Variants in MSL3 observed in about 807,000 individuals in gnomAD.
MSL3 encodes MSL complex subunit 3, also known as MSL3-like 1.
In MSL3, 5 loss-of-function variants were observed where a neutral mutation model predicts 37.2. That is an observed-to-expected ratio of 0.13 (90% confidence interval 0.07 to 0.28). The LOEUF is 0.28. Ranked by LOEUF, MSL3 falls within the 10% of genes least tolerant of loss-of-function variation. The probability of loss-of-function intolerance (pLI) is 1.00; values close to 1 mark genes in which losing one functional copy is unlikely to be tolerated. For missense variants in MSL3, 315 were observed against 408.5 expected (o/e 0.77, Z 1.97); for synonymous variants, 149 against 147.6 (o/e 1.01, Z -0.07).
Position 11,760,738 on chromosome X carries a change from T to G in MSL3, c.282-99T>G, listed in dbSNP as rs1288542088. On this transcript the variant is annotated intron_variant, in intron 3 of 12. Transcript: ENST00000312196. ...ATTTATGTTCTAAAGTTTAATAATT[T>G]TTCAAATGTATTTCATTGTTTATTA... The G allele has an allele frequency of 1.7e-5, 12 of 712,056 alleles. No homozygotes were observed. The East Asian group carries it at 4.0e-4, about 24-fold the overall frequency. The allele number at this position is 712,056 out of a possible 1,213,427, so 58.7% of individuals were successfully genotyped here. A position where few individuals can be genotyped will look rare whatever the true frequency, so the allele number is the denominator to read the frequency against.
At chrX:11,774,818 G>A (rs1253684758) in intron 12 of MSL3, among the ~76,000 whole-genome samples, 162 bp from the exon 13 acceptor site, 4 of 111,564 alleles carry the variant, frequency 3.6e-5, no homozygotes, top group South Asian at 3.7e-4. Context: ...AGCTGGATAA[G>A]TGCAGTGAAA....
At chrX:11,760,154 T>A in intron 2 of MSL3, 1 of 375,739 alleles carries the variant, frequency 2.7e-6, no homozygotes, top group Non-Finnish European at 4.6e-6. Context: ...AGAACTTGCC[T>A]ATTGTGACGA....
rs775880526 is a variant in MSL3 at position 11,763,888 on chromosome X, T to C, written c.858T>C (p.Thr286=). The change falls in exon 8 of 13, where the codon ACT becomes ACC. Residue 286 remains threonine (T), a synonymous_variant. Transcript: ENST00000312196. ...PYEQAQYKKV[T]SSKFFLPIKE... is the part of the protein sequence containing the mutation. ...AACAAGCTCAGTATAAAAAGGTGACTTCGTCTAAATTTTTTCTTCCAATTA... is the reference window on the plus strand; with the variant it reads ...AACAAGCTCAGTATAAAAAGGTGACCTCGTCTAAATTTTTTCTTCCAATTA... 8.3e-7 allele frequency: 1 copy of C among 1,208,007 alleles called. No homozygotes were observed. Among genetic ancestry groups the C allele is most frequent in the Non-Finnish European group, 1.1e-6 (1 of 893,794 alleles).
Position 11,772,206 on chromosome X carries a change from G to A in MSL3, c.1332G>A (p.Pro444=), listed in dbSNP as rs746498586. The change falls in exon 11 of 13, where the codon CCG becomes CCA. Residue 444 remains proline, a synonymous_variant. Coordinates refer to ENST00000312196, the MANE Select transcript of MSL3 (RefSeq NM_078629.4). ...VPDNYPPGDQ[P]PPPSYIYGAQ... ...ACAATTACCCCCCAGGTGACCAGCC[G>A]CCTCCACCCTCTTACATTTATGGGG... 9.1e-6 allele frequency: 11 copies of A among 1,208,120 alleles called. No individual in the cohort carries two copies. Among genetic ancestry groups the A allele is most frequent in the African/African-American group, 3.5e-5 (2 of 56,808 alleles).
At chrX:11,765,829 C>A (rs866058468) in intron 9 of MSL3, 100 bp downstream of exon 9, 2 of 1,146,969 alleles carry the variant, frequency 1.7e-6, no homozygotes, top group African/African-American at 3.6e-5. Context: ...TGTGTGTGTA[C>A]AGTGCGTGTG....
intron 10 of MSL3, among the ~76,000 whole-genome samples, chrX:11,770,714 G>A (rs1345752620): frequency 1.8e-5 from 2 of 111,703 alleles, no homozygotes; most frequent in Admixed American, 9.4e-5. Context: ...GGAATCCCCC[G>A]ACTAGAAACC....
rs1036118062 is a variant in MSL3, at chrX:11,763,811, T to C, written c.781T>C (p.Leu261=). Residue 261 remains leucine, a synonymous_variant, in exon 8 of 13, where the codon TTA becomes CTA. Coordinates refer to ENST00000312196, the MANE Select transcript of MSL3 (RefSeq NM_078629.4). ...CCTTTGTAAGGAGATGGTGGATGGA[T>C]TAAGAATAACCTTTGATTACACTCT... The part of the protein sequence containing the change: ...VDLCKEMVDG[L]RITFDYTLPL... The C allele has an allele frequency of 8.3e-7, 1 of 1,205,731 alleles. No individual in the cohort carries two copies. The highest frequency in any genetic ancestry group is 1.7e-5 in the African/African-American group (1 of 57,209).
Position 11,775,158 on chromosome X carries a change from T to G in MSL3, c.*79T>G. Reference sequence around the variant, plus strand: ...TCCAGGTGAATAACTAACAAGGTGGTGGGTCTTTACCCACAGCGCAAACAC... The same window carrying G: ...TCCAGGTGAATAACTAACAAGGTGGGGGGTCTTTACCCACAGCGCAAACAC... On this transcript the variant is annotated 3_prime_UTR_variant, in exon 13 of 13. Coordinates refer to ENST00000312196, the MANE Select transcript of MSL3 (RefSeq NM_078629.4). The G allele has an allele frequency of 2.6e-6, 2 of 754,753 alleles. No homozygotes were observed. 62.2% of individuals were successfully genotyped at this position (754,753 alleles called of 1,213,427 possible).
chrX:11,760,082 CTTT>C (rs1297693558), intron 2 of MSL3: 8 of 430,060 alleles, frequency 1.9e-5, no homozygotes, highest in Non-Finnish European at 2.7e-5. Context: ...TTGCAAACTT[CTTT>C]AAGTTTTAGA....
rs12014103 is a variant in MSL3, at chrX:11,759,666, C to T, written c.103-127C>T. 5.7e-4 allele frequency: 644 copies of T among 1,125,764 alleles called. 3 individuals carry two copies. In the African/African-American group the frequency reaches 0.01, roughly 18 times the overall value. The allele number at this position is 1,125,764 out of a possible 1,213,427, so 92.8% of individuals were successfully genotyped here. ...AAAAATGAAAGGAAAAATATTTCAA[C>T]CCGGCTGTCGGTCTAAAAGAGGAGA... On this transcript the variant is annotated intron_variant, in intron 1 of 12. Coordinates refer to ENST00000312196, the MANE Select transcript of MSL3 (RefSeq NM_078629.4).
chrX:11,764,732 C>G (rs1241600780), intron 8 of MSL3, among the ~76,000 whole-genome samples: 1 of 112,136 alleles, frequency 8.9e-6, no homozygotes, highest in Non-Finnish European at 1.9e-5. Flanking sequence ...TTCTCGGCCA[C>G]CTTGCCCTGC....
Position 11,760,937 on chromosome X carries a change from T to A in MSL3, c.382T>A (p.Ser128Thr). ...TEEKDENDEN[S>T]LSSSSDCSEN... ...AGAAAAAGATGAAAATGATGAAAAC[T>A]GTGAGTAGCTTCACTTCATTTCTTT... The change falls in exon 4 of 13, where the codon TCA (serine) becomes ACA (threonine). Residue 128 changes from serine (S) to threonine (T), a missense_variant and splice_region_variant. Coordinates refer to ENST00000312196, the MANE Select transcript of MSL3 (RefSeq NM_078629.4). The A allele has an allele frequency of 1.7e-6, 2 of 1,156,089 alleles. No homozygotes were observed. The highest frequency in any genetic ancestry group is 2.3e-6 in the Non-Finnish European group (2 of 854,738).
chrX:11,763,742 T>C (rs753428258), intron 7 of MSL3, 38 bp from the exon 8 acceptor site: 5 of 1,143,309 alleles, frequency 4.4e-6, no homozygotes, highest in East Asian at 3.0e-5. Flanking sequence ...AAGTACCTCT[T>C]ACTTGTGTCT....
chrX:11,758,332 C>G lies in MSL3; in HGVS notation c.69C>G (p.Asp23Glu). 1 of 1,140,894 alleles carries G rather than the reference C, an allele frequency of 8.8e-7. No homozygotes were observed. Among genetic ancestry groups the G allele is most frequent in the Non-Finnish European group, 1.2e-6 (1 of 857,965 alleles). The allele number at this position is 1,140,894 out of a possible 1,213,427, so 94.0% of individuals were successfully genotyped here. ...AGAAAGTGCTGTGCTTCGAGCCTGA[C>G]CCCACCAAGGCGCGAGTGCTGTACG... ...SGEKVLCFEP[D>E]PTKARVLYDA... is the part of the protein sequence containing the mutation. The change falls in exon 1 of 13, where the codon GAC (aspartate) becomes GAG (glutamate). Residue 23 changes from aspartate (D) to glutamate (E), a missense_variant. Asp to Glu is a conservative substitution (Grantham distance 45, BLOSUM62 2). Transcript: ENST00000312196.
At chrX:11,770,223 G>T (rs1460445409) in intron 10 of MSL3, among the ~76,000 whole-genome samples, 3 of 111,837 alleles carry the variant, frequency 2.7e-5, no homozygotes, top group Non-Finnish European at 5.6e-5. Context: ...TTGGCCTAGG[G>T]GCTACAGTTG....
At position 11,762,845 on chromosome X, in the gene MSL3, A is replaced by G; in HGVS notation, c.597A>G (p.Lys199=). The change falls in exon 7 of 13, where the codon AAA becomes AAG. Residue 199 remains lysine (K), a synonymous_variant. Transcript: ENST00000312196. ...TATGTTTTTGTTAACAGTTAGTGAAACTTCCATGCCAGACCAACATCATAA... is the reference window on the plus strand; with the variant it reads ...TATGTTTTTGTTAACAGTTAGTGAAGCTTCCATGCCAGACCAACATCATAA... ...YYINRRKRLV[K]LPCQTNIITI... 1 of 1,206,401 alleles carries G rather than the reference A, an allele frequency of 8.3e-7. No homozygotes were observed. Among genetic ancestry groups the G allele is most frequent in the Non-Finnish European group, 1.1e-6 (1 of 893,131 alleles).
At chrX:11,773,733 T>C (rs190171991) in intron 12 of MSL3, among the ~76,000 whole-genome samples, 44 of 112,482 alleles carry the variant, frequency 3.9e-4, no homozygotes, top group African/African-American at 1.4e-3. Flanking sequence ...TTTTGATGCA[T>C]GCCTAATACA....
rs756410092 is a variant in MSL3 at position 11,767,135 on chromosome X, C to T, written c.1171+1406C>T. On this transcript the variant is annotated intron_variant, in intron 9 of 12. Coordinates refer to ENST00000312196, the MANE Select transcript of MSL3 (RefSeq NM_078629.4). ...AGGTCTGACTTGTTGATTGTGTCAC[C>T]CCATCACAGCTCAGTGTTGGTGGCA... The T allele has an allele frequency of 4.2e-3, 3,182 of 752,597 alleles. 5 individuals are homozygous for T. Among genetic ancestry groups the T allele is most frequent in the Non-Finnish European group, 4.7e-3 (3,022 of 639,060 alleles). 62.0% of individuals were successfully genotyped at this position (752,597 alleles called of 1,213,427 possible). A position where few individuals can be genotyped will look rare whatever the true frequency, so the allele number is the denominator to read the frequency against.
At position 11,765,459 on chromosome X, in the gene MSL3, T is replaced by C. The variant is rs202165133; in HGVS notation, c.909-8T>C. 2.6e-6 allele frequency: 3 copies of C among 1,173,798 alleles called. No homozygotes were observed. The highest frequency in any genetic ancestry group is 2.4e-4 in the Middle Eastern group (1 of 4,152). ...TGAGCCATGTGTGACATCCTCCATC[T>C]TCCCTAGGAGCCAGGAGGAACTCTC... On this transcript the variant is annotated splice_region_variant and splice_polypyrimidine_tract_variant and intron_variant, in intron 8 of 12. Transcript: ENST00000312196.
Sources: allele counts gnomAD v4.1 joint callset (sites outside exome capture counted in the v4.1 genomes callset), GRCh38; gene constraint gnomAD v4.1.1; transcripts MANE v1.5; gene names NCBI Gene and HGNC (gene_info 2026-07-23, HGNC 2026-07-21).